CDK7: variants seen among roughly 807,000 people sequenced by gnomAD.
The protein encoded by CDK7 is cyclin-dependent kinase 7.
In CDK7, 25 loss-of-function variants were observed where a neutral mutation model predicts 49.1. The ratio of observed to expected loss-of-function variants is 0.51; its 90% CI spans 0.37 to 0.71. The LOEUF is 0.71. Ranked by LOEUF, CDK7 falls within the 30% of genes least tolerant of loss-of-function variation. The probability of loss-of-function intolerance (pLI) is 0.00; values close to 1 mark genes in which losing one functional copy is unlikely to be tolerated. For missense variants in CDK7, 316 were observed against 411.7 expected (o/e 0.77, Z 2.01); for synonymous variants, 107 against 140.0 (o/e 0.76, Z 1.67).
rs71612523 is a variant in CDK7 at position 69,267,292 on chromosome 5, CTTTTTTTTTTTTTT to C, written c.628-1900_628-1887del. On this transcript the variant is annotated intron_variant, in intron 8 of 11. Coordinates refer to ENST00000256443, the MANE Select transcript of CDK7 (RefSeq NM_001799.4). ...TTAGTATTTTTCTCTATAAGGATTC[CTTTTTTTTTTTTTT>C]TTTTTTTTTTTTTTGAGACAGAGTC... is the stretch of plus-strand genomic sequence containing the variant. 3.9e-3 allele frequency among the ~76,000 whole-genome samples: 358 copies of C among 91,100 alleles called. 7 individuals are homozygous for C. The Middle Eastern group carries it at 0.067, about 17-fold the overall frequency. The allele number at this position is 91,100 out of a possible 152,430, so 59.8% of individuals were successfully genotyped here.
In CDK7 at chr5:69,277,207, A is replaced by G. The variant is rs759950240; in HGVS notation, c.*72A>G. On this transcript the variant is annotated 3_prime_UTR_variant, in exon 12 of 12. Coordinates refer to ENST00000256443, the MANE Select transcript of CDK7 (RefSeq NM_001799.4). Reference sequence around the variant, plus strand: ...GGCAAATAATGGAAAAATAGTAAACATTAAGTAAATGCTGTAGAAGTGAGT... The same window carrying G: ...GGCAAATAATGGAAAAATAGTAAACGTTAAGTAAATGCTGTAGAAGTGAGT... 1.8e-6 allele frequency: 2 copies of G among 1,084,138 alleles called. No individual in the cohort carries two copies. Among genetic ancestry groups the G allele is most frequent in the Non-Finnish European group, 2.7e-6 (2 of 734,028 alleles). 67.2% of individuals were successfully genotyped at this position (1,084,138 alleles called of 1,614,324 possible). A position where few individuals can be genotyped will look rare whatever the true frequency, so the allele number is the denominator to read the frequency against.
At chr5:69,277,013 G>A in intron 11 of CDK7, 94 bp from the exon 12 acceptor site, 1 of 1,044,942 alleles carries the variant, frequency 9.6e-7, no homozygotes, top group South Asian at 1.5e-5. Flanking sequence ...AAATAATGTA[G>A]TTGGAATGCA....
intron 10 of CDK7, among the ~76,000 whole-genome samples, chr5:69,276,296 T>C (rs1752130849): frequency 6.6e-6 from 1 of 152,218 alleles, no homozygotes; most frequent in South Asian, 2.1e-4. Context: ...CCCAAGGTGC[T>C]GGGATTACAG....
intron 2 of CDK7, among the ~76,000 whole-genome samples, chr5:69,244,467 T>C (rs2972379): frequency 0.28 from 42,381 of 151,656 alleles, 6,510 homozygotes; most frequent in East Asian, 0.4. Flanking sequence ...ACCTCGTCTC[T>C]ACTAAAAGTA....
At position 69,271,980 on chromosome 5, in the gene CDK7, G is replaced by C. The variant is rs150844368; in HGVS notation, c.715-912G>C. Among the ~76,000 whole-genome samples the C allele has an allele frequency of 8.2e-3, 1,240 of 151,174 alleles. 28 individuals carry two copies. The highest frequency in any genetic ancestry group is 0.01 in the Middle Eastern group (3 of 288). On this transcript the variant is annotated intron_variant, in intron 9 of 11. Transcript: ENST00000256443. ...CTCACTCTGTTCCCCAGGTTGGAGT[G>C]GGGTCTCACTTTCTTGTCCAGGCTG...
intron 8 of CDK7, among the ~76,000 whole-genome samples, chr5:69,265,751 A>T (rs1293527521): frequency 6.6e-6 from 1 of 152,096 alleles, no homozygotes; most frequent in African/African-American, 2.4e-5. Flanking sequence ...CTCTACCAAA[A>T]ATACAAAAAT....
At chr5:69,243,978 G>A (rs1173303105) in intron 2 of CDK7, among the ~76,000 whole-genome samples, 4 of 151,922 alleles carry the variant, frequency 2.6e-5, no homozygotes, top group Middle Eastern at 3.4e-3. Context: ...GATTACAGGC[G>A]CATACCACCA....
chr5:69,270,287 A>T (rs933129502), intron 9 of CDK7, among the ~76,000 whole-genome samples: 3 of 152,006 alleles, frequency 2.0e-5, no homozygotes, highest in East Asian at 1.9e-4. Context: ...AACAAAAATT[A>T]AAAAAATTTA....
intron 2 of CDK7, among the ~76,000 whole-genome samples, chr5:69,248,562 AT>A (rs1749909699): frequency 6.6e-6 from 1 of 151,614 alleles, no homozygotes. Context: ...CTAATTTTGT[AT>A]TTTTAGTAGA....
rs186026483 is a variant in CDK7, at chr5:69,265,196, T to C, written c.627+2892T>C. Among the ~76,000 whole-genome samples the C allele has an allele frequency of 2.1e-3, 320 of 149,250 alleles. 3 individuals are homozygous for C. Among genetic ancestry groups the C allele is most frequent in the African/African-American group, 7.7e-3 (310 of 40,410 alleles). On this transcript the variant is annotated intron_variant, in intron 8 of 11. Coordinates refer to ENST00000256443, the MANE Select transcript of CDK7 (RefSeq NM_001799.4). The stretch of plus-strand genomic sequence containing the variant: ...AGGAGAATGGCATGAACCTGGGAGG[T>C]AGAGCTTGCAGTGAGCCAAGATCGC...
intron 3 of CDK7, among the ~76,000 whole-genome samples, chr5:69,254,207 A>C (rs1021084450): frequency 6.6e-6 from 1 of 152,054 alleles, no homozygotes; most frequent in Admixed American, 6.6e-5. Context: ...CTATTTTCTG[A>C]GATTACTAAC....
intron 2 of CDK7, 109 bp downstream of exon 2, chr5:69,235,562 C>T: frequency 1.3e-6 from 1 of 766,246 alleles, no homozygotes. Context: ...ATGAGTTACT[C>T]ATGTCATTTT....
intron 2 of CDK7, among the ~76,000 whole-genome samples, chr5:69,243,894 G>C (rs1186812065): frequency 7.3e-6 from 1 of 136,618 alleles, no homozygotes; most frequent in Non-Finnish European, 1.5e-5. Context: ...GTTCAATGGT[G>C]CAATCTCAGC....
intron 2 of CDK7, among the ~76,000 whole-genome samples, chr5:69,240,437 T>C (rs1749288660): frequency 6.6e-6 from 1 of 152,128 alleles, no homozygotes; most frequent in African/African-American, 2.4e-5. Flanking sequence ...CTTAAGTACG[T>C]TGGAGTGAAA....
In CDK7 at chr5:69,235,060, A is replaced by T. The variant is rs372268168; in HGVS notation, c.66+19A>T. Reference sequence around the variant, plus strand: ...GGGACAGGTGAGGCTCTCTGGAAGGACGGGGAGGGCCCCAAGCGGACAGCC... The same window carrying T: ...GGGACAGGTGAGGCTCTCTGGAAGGTCGGGGAGGGCCCCAAGCGGACAGCC... On this transcript the variant is annotated intron_variant, in intron 1 of 11. Transcript: ENST00000256443. 15 of 1,590,886 alleles carry T rather than the reference A, an allele frequency of 9.4e-6. No individual in the cohort carries two copies. The African/African-American group carries it at 2.0e-4, about 21-fold the overall frequency.
At chr5:69,257,809 A>G (rs937587435) in intron 5 of CDK7, among the ~76,000 whole-genome samples, 3 of 152,202 alleles carry the variant, frequency 2.0e-5, no homozygotes, top group African/African-American at 7.2e-5. Context: ...GGTGTTTGCT[A>G]CTTTCATGCG....
chr5:69,246,197 C>T (rs1271474885), intron 2 of CDK7, among the ~76,000 whole-genome samples: 4 of 151,952 alleles, frequency 2.6e-5, no homozygotes, highest in East Asian at 1.9e-4. Flanking sequence ...AGTGCAGTGG[C>T]GCGATCTTGG....
At chr5:69,250,991 G>C (rs754426690) in intron 2 of CDK7, among the ~76,000 whole-genome samples, 20 of 152,066 alleles carry the variant, frequency 1.3e-4, no homozygotes, top group Non-Finnish European at 2.4e-4. Context: ...ATGCAGTGGT[G>C]CAATCATAGC....
intron 10 of CDK7, among the ~76,000 whole-genome samples, chr5:69,274,866 T>C (rs1209393945): frequency 1.3e-5 from 2 of 152,124 alleles, no homozygotes; most frequent in Non-Finnish European, 2.9e-5. Context: ...TCCATCTGCC[T>C]CGGCCTCCCA....
Sources: gnomAD v4.1 joint callset for allele counts (sites outside exome capture counted in the v4.1 genomes callset) on GRCh38, gnomAD v4.1.1 for gene constraint, MANE v1.5 for transcripts, NCBI Gene and HGNC (gene_info 2026-07-23, HGNC 2026-07-21) for gene names.